The following HSPA12A variants were observed in gnomAD, a reference collection of about 807,000 sequenced individuals.
HSPA12A encodes heat shock protein family A (Hsp70) member 12A, also known as heat shock 70 kDa protein 12A.
Under a neutral mutation model 69.2 loss-of-function variants are expected in HSPA12A, and 28 were observed. That is an observed-to-expected ratio of 0.40 (90% CI 0.30 to 0.55). HSPA12A has a LOEUF of 0.55. Ranked by LOEUF, HSPA12A falls within the 20% of genes least tolerant of loss-of-function variation. The pLI is 0.38. For synonymous variants in HSPA12A, 345 were observed against 370.5 expected, an observed-to-expected ratio of 0.93 and a Z score of 0.79; for missense variants, 686 against 900.7, an observed-to-expected ratio of 0.76 and a Z score of 3.05.
intron 2 of HSPA12A, among the ~76,000 whole-genome samples, chr10:116,776,981 C>T (rs1900501): frequency 0.39 from 59,552 of 152,136 alleles, 12,543 homozygotes; most frequent in Non-Finnish European, 0.45. Flanking sequence ...ATTTGATTTA[C>T]TGCAGAAGCA....
chr10:116,796,163 A>AAAAAAAAAAAAAAAAAAAAG (rs1414051045), intron 2 of HSPA12A, among the ~76,000 whole-genome samples: 4 of 138,888 alleles, frequency 2.9e-5, no homozygotes, highest in African/African-American at 1.3e-4. Flanking sequence ...AAAAAAAAAA[A>AAAAAAAAAAAAAAAAAAAAG]AAAGAAAGAA....
intron 2 of HSPA12A, chr10:116,830,788 A>G (rs529772890): frequency 5.1e-5 from 7 of 137,032 alleles, no homozygotes; most frequent in African/African-American, 2.5e-4. Context: ...ATAAATGTAT[A>G]TATGTACATA....
At chr10:116,728,293 G>A (rs1206396538) in intron 1 of HSPA12A, among the ~76,000 whole-genome samples, 1 of 139,484 alleles carries the variant, frequency 7.2e-6, no homozygotes, top group Admixed American at 7.9e-5. Flanking sequence ...TGGTCTGTAG[G>A]TTAGGTGGAT....
chr10:116,726,368 T>C (rs74161317), intron 1 of HSPA12A, among the ~76,000 whole-genome samples: 3,712 of 151,926 alleles, frequency 0.024, 154 homozygotes, highest in African/African-American at 0.085. Flanking sequence ...CTCCTCCATC[T>C]CAGCTGCTCA....
At chr10:116,731,726 G>T (rs1851161017) in intron 1 of HSPA12A, among the ~76,000 whole-genome samples, 2 of 152,178 alleles carry the variant, frequency 1.3e-5, no homozygotes, top group African/African-American at 4.8e-5. Context: ...ATTTGTGGGA[G>T]ATAATTACTC....
At chr10:116,785,876 C>G (rs1844564432) in intron 2 of HSPA12A, among the ~76,000 whole-genome samples, 2 of 152,030 alleles carry the variant, frequency 1.3e-5, no homozygotes, top group South Asian at 2.1e-4. Context: ...CCTCCTATTT[C>G]CCCCCCTCCC....
intron 2 of HSPA12A, among the ~76,000 whole-genome samples, chr10:116,824,369 G>T (rs999253796): frequency 6.6e-6 from 1 of 152,146 alleles, no homozygotes; most frequent in African/African-American, 2.4e-5. Context: ...GTTAAATATA[G>T]AGTTACCATA....
chr10:116,822,566 G>C (rs1384290443), intron 2 of HSPA12A, among the ~76,000 whole-genome samples: 1 of 152,180 alleles, frequency 6.6e-6, no homozygotes, highest in East Asian at 1.9e-4. Flanking sequence ...AGTTCAATGG[G>C]GTTGACATGA....
At chr10:116,777,970 C>T (rs1844378558) in intron 2 of HSPA12A, among the ~76,000 whole-genome samples, 1 of 152,162 alleles carries the variant, frequency 6.6e-6, no homozygotes, top group Admixed American at 6.5e-5. Flanking sequence ...TCATGATCCG[C>T]CCGCCTCAAC....
chr10:116,804,918 AAGAT>A (rs1845036113), intron 2 of HSPA12A, among the ~76,000 whole-genome samples: 1 of 152,230 alleles, frequency 6.6e-6, no homozygotes, highest in African/African-American at 2.4e-5. Flanking sequence ...AAGTTCAAAA[AAGAT>A]AGGCGAGCCT....
In HSPA12A at chr10:116,692,470, G is replaced by A. The variant is rs1210749402; in HGVS notation, c.547-3C>T. On this transcript the variant is annotated splice_region_variant and splice_polypyrimidine_tract_variant and intron_variant, in intron 5 of 11. Coordinates refer to ENST00000369209, the MANE Select transcript of HSPA12A (RefSeq NM_025015.3). ...GAACCCGCCTGGTCACTCAGCTCCT[G>A]AAGCCAAGGGAAAGAAATGCAACAG... is the stretch of plus-strand genomic sequence containing the variant. 6 of 1,610,588 alleles carry A rather than the reference G, an allele frequency of 3.7e-6. 1 individual carries two copies. The African/African-American group carries it at 5.3e-5, about 14-fold the overall frequency.
upstream of HSPA12A, among the ~76,000 whole-genome samples, chr10:116,850,710 C>T (rs531810964): frequency 2.0e-5 from 3 of 152,102 alleles, no homozygotes; most frequent in Non-Finnish European, 2.9e-5. Flanking sequence ...CCTATACTAT[C>T]AAAGGGGAGA....
At chr10:116,839,627 A>AG (rs1438162145) in intron 1 of HSPA12A, among the ~76,000 whole-genome samples, 5 of 149,450 alleles carry the variant, frequency 3.3e-5, no homozygotes, top group Admixed American at 3.3e-4. Context: ...AAAAAAAAAA[A>AG]AAACCTAAAA....
intron 1 of HSPA12A, among the ~76,000 whole-genome samples, chr10:116,741,378 T>C (rs1329684997): frequency 6.6e-6 from 1 of 152,250 alleles, no homozygotes; most frequent in Non-Finnish European, 1.5e-5. Flanking sequence ...AGCGCTCGTT[T>C]CGTGGCTGAA....
chr10:116,809,200 C>CA (rs1423383663), intron 2 of HSPA12A, among the ~76,000 whole-genome samples: 2 of 152,160 alleles, frequency 1.3e-5, no homozygotes, highest in Non-Finnish European at 2.9e-5. Flanking sequence ...TGACATTTTA[C>CA]ATGTTGATGA....
In HSPA12A at chr10:116,810,721, C is replaced by A. The variant is rs182968549; in HGVS notation, c.91+24214G>T. Among the ~76,000 whole-genome samples, 373 of 152,246 alleles carry A rather than the reference C, an allele frequency of 2.4e-3. 2 individuals carry two copies. The highest frequency in any genetic ancestry group is 8.2e-3 in the African/African-American group (339 of 41,556). On this transcript the variant is annotated intron_variant, in intron 2 of 12. Coordinates refer to the HSPA12A transcript ENST00000635765. The stretch of plus-strand genomic sequence containing the variant: ...TGAATCAGAAACTCTGAGGGTGGGC[C>A]AGCAATCTGGTTTTACAAGTTTTCC...
intron 2 of HSPA12A, among the ~76,000 whole-genome samples, chr10:116,791,940 A>G (rs1259055938): frequency 6.6e-6 from 1 of 152,098 alleles, no homozygotes; most frequent in South Asian, 2.1e-4. Context: ...AAAGATGCCA[A>G]TTCATCCTGC....
intron 2 of HSPA12A, among the ~76,000 whole-genome samples, chr10:116,774,199 C>G (rs377163299): frequency 6.6e-6 from 1 of 151,968 alleles, no homozygotes. Context: ...TTAGTAGAGA[C>G]GGGGTTTCAC....
intron 1 of HSPA12A, chr10:116,849,419 A>G (rs1237371285): frequency 1.7e-6 from 2 of 1,160,662 alleles, no homozygotes; most frequent in East Asian, 2.8e-5. Flanking sequence ...TAGCTCCAAT[A>G]AAAGGGAACG....
Sources: allele counts gnomAD v4.1 joint callset (sites outside exome capture counted in the v4.1 genomes callset), GRCh38; gene constraint gnomAD v4.1.1; transcripts MANE v1.5; gene names NCBI Gene and HGNC (gene_info 2026-07-23, HGNC 2026-07-21).